Variants in GLRA2 observed in about 807,000 individuals in gnomAD.
GLRA2 encodes the protein glycine receptor subunit alpha-2.
Under a neutral mutation model 31.6 loss-of-function variants are expected in GLRA2, and 11 were observed. That is an observed-to-expected ratio of 0.35 (90% confidence interval 0.22 to 0.58). GLRA2 has a LOEUF of 0.58. GLRA2 is among the 20% of genes least tolerant of loss of function. The probability of loss-of-function intolerance (pLI) is 0.84; values close to 1 mark genes in which losing one functional copy is unlikely to be tolerated. For missense variants in GLRA2, 212 were observed against 351.8 expected (o/e 0.60, Z 3.18); for synonymous variants, 132 against 134.0 (o/e 0.99, Z 0.10).
chrX:14,559,701 G>A (rs968164486), intron 2 of GLRA2, among the ~76,000 whole-genome samples: 1 of 109,639 alleles, frequency 9.1e-6, no homozygotes, highest in Non-Finnish European at 1.9e-5. Context: ...TTATAGACAT[G>A]AGCCACCGCA....
intron 2 of GLRA2, among the ~76,000 whole-genome samples, chrX:14,560,155 A>G (rs1325666953): frequency 8.9e-6 from 1 of 112,318 alleles, no homozygotes; most frequent in East Asian, 2.8e-4. Context: ...AAATCTTTTT[A>G]TTCTAAAGGA....
chrX:14,622,340 T>C (rs1474242066), intron 7 of GLRA2, among the ~76,000 whole-genome samples: 4 of 112,165 alleles, frequency 3.6e-5, no homozygotes, highest in East Asian at 2.8e-4. Flanking sequence ...GTAGTTTCTT[T>C]TGCTGTGCAG....
chrX:14,676,819 A>G (rs1372208591), intron 7 of GLRA2, among the ~76,000 whole-genome samples: 1 of 112,110 alleles, frequency 8.9e-6, no homozygotes, highest in Non-Finnish European at 1.9e-5. Flanking sequence ...AAACTGAACT[A>G]ATGATGTAAT....
At chrX:14,592,470 G>C (rs769269710) in intron 4 of GLRA2, among the ~76,000 whole-genome samples, 7 of 110,576 alleles carry the variant, frequency 6.3e-5, no homozygotes, top group African/African-American at 2.0e-4. Flanking sequence ...AGGAGTTCAA[G>C]ACAAGCCTGA....
At chrX:14,495,609 A>G in the GLRA2 span, among the ~76,000 whole-genome samples, 1 of 109,273 alleles carries the variant, frequency 9.2e-6, no homozygotes, top group Admixed American at 9.8e-5. Flanking sequence ...TACGCACTAT[A>G]TATGTGTATG....
At chrX:14,587,349 G>A (rs898507199) in intron 4 of GLRA2, among the ~76,000 whole-genome samples, 1 of 111,996 alleles carries the variant, frequency 8.9e-6, no homozygotes, top group African/African-American at 3.2e-5. Context: ...TCTGTTGTAA[G>A]TTATTTGAGA....
intron 2 of GLRA2, among the ~76,000 whole-genome samples, chrX:14,572,903 C>T (rs966487725): frequency 1.8e-5 from 2 of 111,596 alleles, no homozygotes; most frequent in Admixed American, 1.9e-4. Flanking sequence ...AATAAGTATC[C>T]AAACTATTTT....
chrX:14,621,645 A>C (rs1354729994), intron 7 of GLRA2, among the ~76,000 whole-genome samples: 1 of 111,433 alleles, frequency 9.0e-6, no homozygotes, highest in Non-Finnish European at 1.9e-5. Context: ...TACTTTGCTC[A>C]GAATGATGGT....
At chrX:14,690,915 T>A (rs947493785) in intron 8 of GLRA2, 56 bp downstream of exon 8, 3 of 1,147,282 alleles carry the variant, frequency 2.6e-6, no homozygotes, top group Admixed American at 4.4e-5. Flanking sequence ...AGCTAGGCAA[T>A]GTAATTCAGA....
At chrX:14,646,971 C>A (rs752492149) in intron 7 of GLRA2, among the ~76,000 whole-genome samples, 21 of 112,000 alleles carry the variant, frequency 1.9e-4, no homozygotes, top group Non-Finnish European at 3.2e-4. Flanking sequence ...TTTACAACTG[C>A]AAAACCTGAT....
chrX:14,594,121 G>A (rs1026655673), intron 4 of GLRA2, among the ~76,000 whole-genome samples: 2 of 111,866 alleles, frequency 1.8e-5, no homozygotes, highest in Admixed American at 1.9e-4. Context: ...TTACCACAGT[G>A]GAAGTCTTTT....
At chrX:14,532,636 G>A (rs371047839) in intron 2 of GLRA2, among the ~76,000 whole-genome samples, 5 of 111,123 alleles carry the variant, frequency 4.5e-5, no homozygotes, top group Admixed American at 9.6e-5. Flanking sequence ...TTATTTTTTC[G>A]TAAGTGGGAG....
At chrX:14,667,134 G>C (rs2091045085) in intron 7 of GLRA2, among the ~76,000 whole-genome samples, 1 of 111,938 alleles carries the variant, frequency 8.9e-6, no homozygotes, top group South Asian at 3.7e-4. Flanking sequence ...TGGAAATTGA[G>C]ATGAGAATTT....
intron 7 of GLRA2, among the ~76,000 whole-genome samples, chrX:14,635,848 A>T (rs1305899880): frequency 9.0e-6 from 1 of 111,272 alleles, no homozygotes; most frequent in African/African-American, 3.3e-5. Context: ...TCCTATCCCC[A>T]AATCATGGGG....
At chrX:14,573,903 A>T (rs1439746011) in intron 2 of GLRA2, among the ~76,000 whole-genome samples, 1 of 110,513 alleles carries the variant, frequency 9.0e-6, no homozygotes, top group African/African-American at 3.3e-5. Flanking sequence ...ATACAAAAGG[A>T]GGTGGGTGTT....
the GLRA2 span, among the ~76,000 whole-genome samples, chrX:14,491,699 T>C: frequency 9.0e-6 from 1 of 111,137 alleles, no homozygotes; most frequent in Non-Finnish European, 1.9e-5. Context: ...CACACTTGAG[T>C]AGTACTGTTC....
intron 7 of GLRA2, among the ~76,000 whole-genome samples, chrX:14,618,363 T>C (rs1472278084): frequency 8.9e-6 from 1 of 111,937 alleles, no homozygotes; most frequent in Admixed American, 9.5e-5. Flanking sequence ...GCTCATTTCA[T>C]GAGACAGAAT....
chrX:14,646,766 G>A (rs1299570590), intron 7 of GLRA2, among the ~76,000 whole-genome samples: 1 of 111,595 alleles, frequency 9.0e-6, no homozygotes, highest in Non-Finnish European at 1.9e-5. Flanking sequence ...TTTAACAAAG[G>A]TAGAGAGAAT....
At chrX:14,588,791 T>A (rs2090109494) in intron 4 of GLRA2, among the ~76,000 whole-genome samples, 1 of 111,668 alleles carries the variant, frequency 9.0e-6, no homozygotes, top group Non-Finnish European at 1.9e-5. Flanking sequence ...GAGATCTTTC[T>A]CCTCCTTGGT....
Sources: gnomAD v4.1 joint callset for allele counts (sites outside exome capture counted in the v4.1 genomes callset) on GRCh38, gnomAD v4.1.1 for gene constraint, MANE v1.5 for transcripts, NCBI Gene and HGNC (gene_info 2026-07-23, HGNC 2026-07-21) for gene names.